The following PTPRT variants were observed in gnomAD, a reference collection of about 807,000 sequenced individuals.
The protein encoded by PTPRT is receptor-type tyrosine-protein phosphatase T.
PTPRT carries 56 observed loss-of-function variants against 176.8 expected under a neutral mutation model. That is an observed-to-expected ratio of 0.32 (90% confidence interval 0.26 to 0.40). PTPRT has a LOEUF of 0.40. Ranked by LOEUF, PTPRT falls within the 10% of genes least tolerant of loss-of-function variation. The pLI, the probability that PTPRT is intolerant of heterozygous loss-of-function variation, is 1.00. For synonymous variants in PTPRT, 783 were observed against 739.0 expected, an observed-to-expected ratio of 1.06 and a Z score of -0.96; for missense variants, 1,540 against 1,908.2, an observed-to-expected ratio of 0.81 and a Z score of 3.60.
intron 5 of PTPRT, among the ~76,000 whole-genome samples, chr20:42,762,353 T>C (rs1380909856): frequency 1.3e-5 from 2 of 152,222 alleles, no homozygotes; most frequent in Non-Finnish European, 2.9e-5. Context: ...ATTGGTTCCC[T>C]GGTGATGCTA....
chr20:42,271,876 C>T (rs1360291604), intron 13 of PTPRT, among the ~76,000 whole-genome samples: 1 of 152,180 alleles, frequency 6.6e-6, no homozygotes, highest in African/African-American at 2.4e-5. Context: ...TCCAGACCAA[C>T]TGATAAACAA....
At chr20:42,469,803 T>G (rs867671772) in intron 8 of PTPRT, among the ~76,000 whole-genome samples, 2 of 144,744 alleles carry the variant, frequency 1.4e-5, no homozygotes, top group Admixed American at 1.4e-4. Flanking sequence ...AAGTAGACTG[T>G]GTAAAACTTC....
At chr20:42,462,154 T>C (rs2071032178) in intron 8 of PTPRT, among the ~76,000 whole-genome samples, 1 of 152,142 alleles carries the variant, frequency 6.6e-6, no homozygotes, top group Non-Finnish European at 1.5e-5. Flanking sequence ...AGGGAATTTC[T>C]TTGAATGGTT....
intron 6 of PTPRT, among the ~76,000 whole-genome samples, chr20:42,697,912 A>C (rs2075907584): frequency 6.6e-6 from 1 of 152,242 alleles, no homozygotes; most frequent in African/African-American, 2.4e-5. Flanking sequence ...TCTAGATCTT[A>C]ATCAGTAAAG....
At position 43,045,076 on chromosome 20, in the gene PTPRT, G is replaced by A. The variant is rs899136590; in HGVS notation, c.88+144570C>T. On this transcript the variant is annotated intron_variant, in intron 1 of 30. Coordinates refer to ENST00000373187, the MANE Select transcript of PTPRT (RefSeq NM_007050.6). The stretch of plus-strand genomic sequence containing the variant: ...GAAAACATTTCTGGGCCAGGCTTGG[G>A]CCAAAGAGCTGTCAATCAAGAGATT... Among the ~76,000 whole-genome samples, 4 of 152,316 alleles carry A rather than the reference G, an allele frequency of 2.6e-5. No individual in the cohort carries two copies. The Middle Eastern group carries it at 0.01, about 389-fold the overall frequency.
intron 9 of PTPRT, among the ~76,000 whole-genome samples, chr20:42,408,973 G>A (rs953236662): frequency 6.6e-6 from 1 of 152,160 alleles, no homozygotes; most frequent in Non-Finnish European, 1.5e-5. Flanking sequence ...AACCCCACAT[G>A]GGAGGGCTCT....
In PTPRT at chr20:42,074,141, T is replaced by A. The variant is rs1982548894; in HGVS notation, c.*6738A>T. On this transcript the variant is annotated 3_prime_UTR_variant, in exon 31 of 31. Coordinates refer to ENST00000373187, the MANE Select transcript of PTPRT (RefSeq NM_007050.6). ...CTAACTTTACATGGAATGACACCAC[T>A]CTGCCCTCTAAGCCTCCAGACTGCC... 8.8e-6 allele frequency: 2 copies of A among 228,028 alleles called. No homozygotes were observed. The highest frequency in any genetic ancestry group is 1.7e-5 in the Non-Finnish European group (2 of 114,870). The allele number at this position is 228,028 out of a possible 1,614,324, so 14.1% of individuals were successfully genotyped here.
intron 2 of PTPRT, among the ~76,000 whole-genome samples, chr20:42,878,771 G>A (rs2145845204): frequency 6.6e-6 from 1 of 152,324 alleles, no homozygotes; most frequent in African/African-American, 2.4e-5. Flanking sequence ...GCTGACACCT[G>A]TAATCCCAGC....
chr20:42,705,934 G>C (rs1345783852), intron 6 of PTPRT, among the ~76,000 whole-genome samples: 3 of 152,064 alleles, frequency 2.0e-5, no homozygotes, highest in African/African-American at 7.2e-5. Context: ...GATGGTCCTA[G>C]GCCTGTTCAC....
chr20:42,709,450 T>G (rs973144916), intron 6 of PTPRT, among the ~76,000 whole-genome samples: 1 of 152,188 alleles, frequency 6.6e-6, no homozygotes, highest in Non-Finnish European at 1.5e-5. Context: ...TTTCTTGCCA[T>G]GTGACAAGCA....
intron 1 of PTPRT, among the ~76,000 whole-genome samples, chr20:43,064,291 T>C (rs1404480191): frequency 6.6e-6 from 1 of 152,104 alleles, no homozygotes; most frequent in Non-Finnish European, 1.5e-5. Flanking sequence ...CACAGACCTA[T>C]AGGAAGACAG....
chr20:42,470,941 G>A (rs1194040583), intron 8 of PTPRT, among the ~76,000 whole-genome samples: 1 of 151,964 alleles, frequency 6.6e-6, no homozygotes, highest in African/African-American at 2.4e-5. Context: ...GGTGGGTTTG[G>A]GAGGGAGACA....
intron 7 of PTPRT, among the ~76,000 whole-genome samples, chr20:42,661,399 A>G (rs1447078311): frequency 6.6e-6 from 1 of 152,216 alleles, no homozygotes; most frequent in East Asian, 1.9e-4. Context: ...CAAAAAATAT[A>G]TATTTAATTG....
At chr20:43,056,337 G>A (rs997513720) in intron 1 of PTPRT, among the ~76,000 whole-genome samples, 7 of 152,154 alleles carry the variant, frequency 4.6e-5, no homozygotes, top group Non-Finnish European at 1.0e-4. Flanking sequence ...CCAGCCACAG[G>A]AATGCATCCT....
At chr20:42,852,573 A>T (rs912472858) in intron 2 of PTPRT, among the ~76,000 whole-genome samples, 3 of 152,068 alleles carry the variant, frequency 2.0e-5, no homozygotes, top group Non-Finnish European at 4.4e-5. Context: ...ACTTGTTCAG[A>T]GGGCTATGTC....
At chr20:42,273,822 C>T (rs1195711387) in intron 13 of PTPRT, among the ~76,000 whole-genome samples, 2 of 152,212 alleles carry the variant, frequency 1.3e-5, no homozygotes, top group African/African-American at 4.8e-5. Context: ...CTCATGAAGT[C>T]ATCTTGAGGA....
intron 1 of PTPRT, among the ~76,000 whole-genome samples, chr20:43,065,151 G>A (rs1365392391): frequency 1.3e-5 from 2 of 152,194 alleles, no homozygotes; most frequent in African/African-American, 2.4e-5. Context: ...GCACTCATCA[G>A]CACAGGATAA....
At chr20:42,776,235 G>A (rs1285550298) in intron 4 of PTPRT, among the ~76,000 whole-genome samples, 1 of 151,924 alleles carries the variant, frequency 6.6e-6, no homozygotes, top group Non-Finnish European at 1.5e-5. Context: ...TTTCTTCATT[G>A]TCCTGCTCAT....
intron 6 of PTPRT, among the ~76,000 whole-genome samples, chr20:42,729,793 A>G (rs1317032966): frequency 6.6e-6 from 1 of 152,134 alleles, no homozygotes; most frequent in Non-Finnish European, 1.5e-5. Context: ...GAAATCATAG[A>G]TAACCTGATT....
Sources: allele counts gnomAD v4.1 joint callset (sites outside exome capture counted in the v4.1 genomes callset), GRCh38; gene constraint gnomAD v4.1.1; transcripts MANE v1.5; gene names NCBI Gene and HGNC (gene_info 2026-07-23, HGNC 2026-07-21).